The following THSD7B variants were observed in gnomAD, a reference collection of about 807,000 sequenced individuals.
THSD7B encodes the protein thrombospondin type 1 domain containing 7B.
THSD7B carries 138 observed loss-of-function variants against 213.6 expected under a neutral mutation model. That is an observed-to-expected ratio of 0.65 (90% confidence interval 0.56 to 0.74). The LOEUF (loss-of-function observed/expected upper bound fraction) is 0.74. Ranked by LOEUF, THSD7B falls within the 30% of genes least tolerant of loss-of-function variation. The pLI is 0.00. For synonymous variants in THSD7B, 742 were observed against 687.0 expected (o/e 1.08, Z -1.25); for missense variants, 1,931 against 1,991.5 (o/e 0.97, Z 0.58).
At chr2:136,923,860 A>G (rs896185386) in intron 2 of THSD7B, among the ~76,000 whole-genome samples, 8 of 152,118 alleles carry the variant, frequency 5.3e-5, no homozygotes, top group African/African-American at 1.9e-4. Context: ...CTAACTCCTT[A>G]TCAGATATAT....
chr2:137,267,426 C>A (rs1235955247), intron 10 of THSD7B, among the ~76,000 whole-genome samples: 2 of 152,030 alleles, frequency 1.3e-5, no homozygotes, highest in African/African-American at 4.8e-5. Context: ...TAAGCGAGTG[C>A]TATTGAAAAA....
intron 7 of THSD7B, among the ~76,000 whole-genome samples, chr2:137,211,619 G>T (rs755702542): frequency 6.6e-5 from 10 of 152,014 alleles, no homozygotes; most frequent in Non-Finnish European, 1.3e-4. Flanking sequence ...TTGCTGACTT[G>T]GAACAACCCA....
At chr2:137,439,316 C>T (rs1217892257) in intron 14 of THSD7B, among the ~76,000 whole-genome samples, 1 of 151,870 alleles carries the variant, frequency 6.6e-6, no homozygotes, top group Non-Finnish European at 1.5e-5. Context: ...GTTTCAAAAG[C>T]CTTCTTTGTG....
intron 2 of THSD7B, among the ~76,000 whole-genome samples, chr2:137,004,302 C>T (rs1686061300): frequency 3.1e-5 from 2 of 64,750 alleles, no homozygotes; most frequent in East Asian, 7.5e-3. Flanking sequence ...CACGTACACA[C>T]ACACACACAC....
intron 1 of THSD7B, among the ~76,000 whole-genome samples, chr2:136,821,053 C>CT (rs983519675): frequency 6.6e-6 from 1 of 152,120 alleles, no homozygotes; most frequent in Non-Finnish European, 1.5e-5. Context: ...AATATTTGGA[C>CT]TTTTTTGTGT....
intron 2 of THSD7B, among the ~76,000 whole-genome samples, chr2:136,894,832 G>A (rs1366010218): frequency 6.6e-6 from 1 of 152,078 alleles, no homozygotes; most frequent in Non-Finnish European, 1.5e-5. Context: ...GTTATTGCAT[G>A]TCTCTAGTGA....
intron 20 of THSD7B, among the ~76,000 whole-genome samples, chr2:137,639,777 G>T (rs1185689260): frequency 6.6e-6 from 1 of 152,132 alleles, no homozygotes; most frequent in Non-Finnish European, 1.5e-5. Flanking sequence ...TGCCCCACTG[G>T]ATTTCGGACT....
At chr2:137,336,513 A>C (rs1684642393) in intron 12 of THSD7B, among the ~76,000 whole-genome samples, 1 of 152,194 alleles carries the variant, frequency 6.6e-6, no homozygotes. Flanking sequence ...ATAACCTTCT[A>C]TTCCATCCTC....
intron 1 of THSD7B, among the ~76,000 whole-genome samples, chr2:136,877,218 A>T (rs145103306): frequency 3.1e-4 from 47 of 152,330 alleles, no homozygotes; most frequent in Middle Eastern, 3.4e-3. Flanking sequence ...TCAGCTTCAC[A>T]CAAAAATACC....
In THSD7B at chr2:137,411,890, G is replaced by T; in HGVS notation, c.2959+18G>T. 1 of 1,613,290 alleles carries T rather than the reference G, an allele frequency of 6.2e-7. No homozygotes were observed. The highest frequency in any genetic ancestry group is 8.5e-7 in the Non-Finnish European group (1 of 1,179,416). On this transcript the variant is annotated intron_variant, in intron 14 of 27. Transcript: ENST00000409968. ...CAGCTCTGGTAAGGAGATGGATGGAGAGTAACAGATGAGAACACTCACACA... is the reference window on the plus strand; with the variant it reads ...CAGCTCTGGTAAGGAGATGGATGGATAGTAACAGATGAGAACACTCACACA...
At chr2:137,227,098 G>T (rs578060982) in intron 7 of THSD7B, among the ~76,000 whole-genome samples, 1 of 152,122 alleles carries the variant, frequency 6.6e-6, no homozygotes, top group Non-Finnish European at 1.5e-5. Context: ...TGCTCAATGC[G>T]TATGGGGCTT....
At chr2:137,131,347 A>G (rs1302803538) in intron 5 of THSD7B, among the ~76,000 whole-genome samples, 13 of 152,084 alleles carry the variant, frequency 8.5e-5, no homozygotes, top group African/African-American at 2.4e-4. Context: ...CACTCTGATG[A>G]TAGTTTCTTT....
intron 12 of THSD7B, among the ~76,000 whole-genome samples, chr2:137,296,968 G>T (rs2104840872): frequency 6.6e-6 from 1 of 151,774 alleles, no homozygotes; most frequent in African/African-American, 2.4e-5. Flanking sequence ...CAAATATGTG[G>T]TTCATATTTA....
chr2:136,948,113 A>G (rs1158109527), intron 2 of THSD7B, among the ~76,000 whole-genome samples: 2 of 150,224 alleles, frequency 1.3e-5, no homozygotes, highest in Non-Finnish European at 2.9e-5. Context: ...AATTGTATGT[A>G]TGTTTTTTTT....
At chr2:137,449,247 A>G (rs1396004168) in intron 14 of THSD7B, among the ~76,000 whole-genome samples, 1 of 152,128 alleles carries the variant, frequency 6.6e-6, no homozygotes, top group Non-Finnish European at 1.5e-5. Context: ...TAGGGGACTT[A>G]TTTATTTGTT....
chr2:136,899,139 T>G (rs1684018269), intron 2 of THSD7B, among the ~76,000 whole-genome samples: 1 of 152,168 alleles, frequency 6.6e-6, no homozygotes, highest in African/African-American at 2.4e-5. Flanking sequence ...GGCCAGTGTC[T>G]TTTAGCTTAT....
intron 1 of THSD7B, among the ~76,000 whole-genome samples, chr2:136,778,498 GCCTTTAACCATGAAT>G: frequency 6.6e-6 from 1 of 152,120 alleles, no homozygotes; most frequent in South Asian, 2.1e-4. Context: ...GCCTTCCACA[GCCTTTAACCATGAAT>G]CCATCAATGT....
intron 3 of THSD7B, among the ~76,000 whole-genome samples, chr2:137,062,553 C>T (rs752510417): frequency 6.6e-6 from 1 of 151,596 alleles, no homozygotes; most frequent in Non-Finnish European, 1.5e-5. Flanking sequence ...TTGCATTTCT[C>T]TTGAGATTTT....
intron 1 of THSD7B, among the ~76,000 whole-genome samples, chr2:136,833,704 C>G (rs1558820502): frequency 1.3e-5 from 2 of 152,072 alleles, no homozygotes; most frequent in Non-Finnish European, 2.9e-5. Flanking sequence ...AGGCAAAGTG[C>G]AAAAGGTCAA....
Sources: allele counts gnomAD v4.1 joint callset (sites outside exome capture counted in the v4.1 genomes callset), GRCh38; gene constraint gnomAD v4.1.1; transcripts MANE v1.5; gene names NCBI Gene and HGNC (gene_info 2026-07-23, HGNC 2026-07-21).